The following HTR1E variants were observed in gnomAD, a reference collection of about 807,000 sequenced individuals.
HTR1E encodes the protein 5-hydroxytryptamine receptor 1E, also known as 5-HT-1E.
A neutral mutation model predicts 3.4 loss-of-function variants in HTR1E; 3 were observed. The observed-to-expected ratio is 0.89, with a 90% confidence interval of 0.41 to 2.31. The LOEUF is 2.31. Among genes scored for constraint, HTR1E ranks in the 30% most tolerant of loss-of-function variants. HTR1E has a pLI of 0.05. For synonymous variants in HTR1E, 170 were observed against 182.8 expected, an observed-to-expected ratio of 0.93 and a Z score of 0.56; for missense variants, 392 against 467.0, an observed-to-expected ratio of 0.84 and a Z score of 1.48.
At chr6:86,952,908 T>C (rs1234345247) in intron 1 of HTR1E, among the ~76,000 whole-genome samples, 1 of 152,204 alleles carries the variant, frequency 6.6e-6, no homozygotes, top group Non-Finnish European at 1.5e-5. Flanking sequence ...ATATATTGCA[T>C]CCTGCAAGAC....
intron 1 of HTR1E, among the ~76,000 whole-genome samples, chr6:86,977,647 A>G (rs565173232): frequency 6.6e-6 from 1 of 152,306 alleles, no homozygotes; most frequent in Non-Finnish European, 1.5e-5. Flanking sequence ...TCCCACCAAC[A>G]GTGTGTAAGC....
chr6:86,992,135 G>A (rs774602551), intron 1 of HTR1E, among the ~76,000 whole-genome samples: 12 of 151,936 alleles, frequency 7.9e-5, no homozygotes, highest in African/African-American at 2.7e-4. Context: ...TCAACCACCC[G>A]CTTGCCTTTA....
At chr6:86,967,039 T>C (rs1411298266) in intron 1 of HTR1E, among the ~76,000 whole-genome samples, 1 of 152,288 alleles carries the variant, frequency 6.6e-6, no homozygotes, top group East Asian at 1.9e-4. Context: ...TCAGCCCCCA[T>C]GTACCCATGT....
chr6:86,983,122 CTCTT>C (rs1310841310), intron 1 of HTR1E, among the ~76,000 whole-genome samples: 1 of 152,164 alleles, frequency 6.6e-6, no homozygotes, highest in Non-Finnish European at 1.5e-5. Flanking sequence ...AAATATTCTT[CTCTT>C]TGTCTTTCTT....
intron 1 of HTR1E, among the ~76,000 whole-genome samples, chr6:87,003,000 C>T (rs77641136): frequency 0.035 from 5,390 of 152,274 alleles, 135 homozygotes; most frequent in East Asian, 0.14. Flanking sequence ...CAGCACATTT[C>T]CTCCAATGGC....
At chr6:86,968,473 A>G (rs1288851807) in intron 1 of HTR1E, among the ~76,000 whole-genome samples, 1 of 152,312 alleles carries the variant, frequency 6.6e-6, no homozygotes, top group African/African-American at 2.4e-5. Flanking sequence ...CACCAACACA[A>G]TGTGTTATCA....
chr6:86,968,026 C>T (rs532867969), intron 1 of HTR1E, among the ~76,000 whole-genome samples: 46 of 152,106 alleles, frequency 3.0e-4, no homozygotes, highest in African/African-American at 9.6e-4. Context: ...GCATATCAAT[C>T]GAGATAATAA....
At chr6:87,012,657 A>G (rs75625007) in intron 1 of HTR1E, among the ~76,000 whole-genome samples, 4,110 of 152,310 alleles carry the variant, frequency 0.027, 139 homozygotes, top group East Asian at 0.13. Context: ...CCATTACCCA[A>G]TGCAAAAATC....
At position 87,015,849 on chromosome 6, in the gene HTR1E, A is replaced by G. The variant is rs1285888714; in HGVS notation, c.515A>G (p.Gln172Arg). Residue 172 changes from glutamine to arginine, a missense_variant, in exon 2 of 2, where the codon CAG (glutamine) becomes CGG (arginine). Gln to Arg is a conservative substitution (Grantham distance 43). Transcript: ENST00000305344. ...CGCCGCCTAAGCCCTCCCCCTAGTC[A>G]GTGCACCATCCAGCACGACCATGTT... ...SHRRLSPPPSQCTIQHDHVIY... is the reference protein window; with the variant it reads ...SHRRLSPPPSRCTIQHDHVIY... The G allele has an allele frequency of 6.2e-7, 1 of 1,612,202 alleles. No individual in the cohort carries two copies. The highest frequency in any genetic ancestry group is 1.7e-5 in the Admixed American group (1 of 59,858).
At chr6:86,959,970 T>TACTCAATGTACA (rs1767382208) in intron 1 of HTR1E, among the ~76,000 whole-genome samples, 2 of 152,194 alleles carry the variant, frequency 1.3e-5, no homozygotes. Context: ...CAGCCAATTC[T>TACTCAATGTACA]ACTCAATGTA....
At position 86,960,812 on chromosome 6, in the gene HTR1E, A is replaced by G. The variant is rs79226877; in HGVS notation, c.-186+22989A>G. ...TCTAATCTCAGACACTCTGCTGGCCATGTGGCCTCAGATCCCTCTCCTAAT... is the reference window on the plus strand; with the variant it reads ...TCTAATCTCAGACACTCTGCTGGCCGTGTGGCCTCAGATCCCTCTCCTAAT... On this transcript the variant is annotated intron_variant, in intron 1 of 1. Coordinates refer to ENST00000305344, the MANE Select transcript of HTR1E (RefSeq NM_000865.3). Among the ~76,000 whole-genome samples, 727 of 152,280 alleles carry G rather than the reference A, an allele frequency of 4.8e-3. 3 individuals carry two copies. The highest frequency in any genetic ancestry group is 8.6e-3 in the Non-Finnish European group (587 of 68,022).
intron 1 of HTR1E, among the ~76,000 whole-genome samples, chr6:86,951,198 C>G (rs751558167): frequency 2.0e-5 from 3 of 152,174 alleles, no homozygotes; most frequent in Non-Finnish European, 2.9e-5. Flanking sequence ...ATGAGGATCA[C>G]TAATACGGAT....
At chr6:86,996,400 A>G (rs577528487) in intron 1 of HTR1E, among the ~76,000 whole-genome samples, 19 of 152,292 alleles carry the variant, frequency 1.2e-4, no homozygotes, top group Non-Finnish European at 2.5e-4. Context: ...AATACTTTAA[A>G]TTTTTATAGA....
intron 1 of HTR1E, among the ~76,000 whole-genome samples, chr6:86,938,478 C>T (rs538351043): frequency 6.6e-6 from 1 of 152,156 alleles, no homozygotes; most frequent in South Asian, 2.1e-4. Context: ...CCCTACCTAA[C>T]GAAAAGGAAA....
Position 86,937,793 on chromosome 6 carries a change from G to A in HTR1E, c.-216G>A, listed in dbSNP as rs1768490413. 1 of 152,906 alleles carries A rather than the reference G, an allele frequency of 6.5e-6. No homozygotes were observed. The highest frequency in any genetic ancestry group is 2.4e-5 in the African/African-American group (1 of 41,476). 9.5% of individuals were successfully genotyped at this position (152,906 alleles called of 1,614,324 possible). A position where few individuals can be genotyped will look rare whatever the true frequency, so the allele number is the denominator to read the frequency against. ...CCAGCTGGACGTGCCGGTTTGCCCAGTGCGGCGCGGCTGCACGCACCGTCC... is the reference window on the plus strand; with the variant it reads ...CCAGCTGGACGTGCCGGTTTGCCCAATGCGGCGCGGCTGCACGCACCGTCC... On this transcript the variant is annotated 5_prime_UTR_variant, in exon 1 of 2. In the 5' UTR this introduces an upstream ATG that the reference lacks. Coordinates refer to ENST00000305344, the MANE Select transcript of HTR1E (RefSeq NM_000865.3).
chr6:86,945,405 C>T (rs56408062), intron 1 of HTR1E, among the ~76,000 whole-genome samples: 6 of 152,000 alleles, frequency 3.9e-5, no homozygotes, highest in Admixed American at 6.6e-5. Flanking sequence ...CCATGCCCAG[C>T]TAATTTTTTG....
intron 1 of HTR1E, among the ~76,000 whole-genome samples, chr6:86,975,276 A>G (rs1482216075): frequency 3.3e-5 from 5 of 152,228 alleles, no homozygotes; most frequent in Non-Finnish European, 5.9e-5. Flanking sequence ...TCCTATTTCC[A>G]ATAGTGAAAA....
intron 1 of HTR1E, among the ~76,000 whole-genome samples, chr6:87,003,442 G>A (rs993127088): frequency 3.3e-5 from 5 of 151,990 alleles, no homozygotes; most frequent in African/African-American, 9.7e-5. Flanking sequence ...GAGAGGCTAA[G>A]GCAGGAGAAT....
At chr6:86,963,722 A>G (rs539314672) in intron 1 of HTR1E, among the ~76,000 whole-genome samples, 38 of 152,216 alleles carry the variant, frequency 2.5e-4, no homozygotes, top group Non-Finnish European at 4.9e-4. Context: ...GTACAGTAAC[A>G]TGCTATACAG....
Sources: gnomAD v4.1 joint callset for allele counts (sites outside exome capture counted in the v4.1 genomes callset) on GRCh38, gnomAD v4.1.1 for gene constraint, MANE v1.5 for transcripts, NCBI Gene and HGNC (gene_info 2026-07-23, HGNC 2026-07-21) for gene names.